The following GFI1B variants were observed in gnomAD, a reference collection of about 807,000 sequenced individuals.
GFI1B encodes growth factor independent 1B transcriptional repressor.
In GFI1B, 20 loss-of-function variants were observed where a neutral mutation model predicts 35.3. The ratio of observed to expected loss-of-function variants is 0.57; its 90% confidence interval spans 0.40 to 0.82. The LOEUF is 0.82. Among genes scored for constraint, GFI1B ranks in the 40% least tolerant of loss-of-function variants. The pLI, the probability that GFI1B is intolerant of heterozygous loss-of-function variation, is 0.00. For missense variants in GFI1B, 430 were observed against 446.3 expected (o/e 0.96, Z 0.33); for synonymous variants, 178 against 177.6 (o/e 1.00, Z -0.02).
At chr9:132,964,743 CTTTTTTTTTTTTTT>C (rs71376675) in intron 1 of GFI1B, among the ~76,000 whole-genome samples, 30 of 107,950 alleles carry the variant, frequency 2.8e-4, no homozygotes, top group East Asian at 5.7e-4. Flanking sequence ...ATTTTTCTTC[CTTTTTTTTTTTTTT>C]TTTTTTTTTT....
intron 1 of GFI1B, among the ~76,000 whole-genome samples, chr9:132,963,520 C>A (rs1010878147): frequency 5.9e-5 from 9 of 151,870 alleles, no homozygotes; most frequent in Admixed American, 5.9e-4. Context: ...TATTATTTTC[C>A]CTTGAGATGG....
chr9:132,989,030 C>T lies in GFI1B; in HGVS notation c.511-31C>T, dbSNP rs773537646. On this transcript the variant is annotated intron_variant, in intron 4 of 6. Transcript: ENST00000372122. This position sits in a 1 kb window ranked among gnomAD's most constrained non-coding sequence, Gnocchi z 6.2. Reference sequence around the variant, plus strand: ...GGCCTGTCCCTGTCACCGCAGCCCCCAGTGGCCTCACATGCTGCCCCTGCT... The same window carrying T: ...GGCCTGTCCCTGTCACCGCAGCCCCTAGTGGCCTCACATGCTGCCCCTGCT... 3.1e-6 allele frequency: 5 copies of T among 1,611,152 alleles called. No individual in the cohort carries two copies. In the Admixed American group the frequency reaches 8.3e-5, roughly 27 times the overall value.
chr9:132,988,459 G>C lies in GFI1B; in HGVS notation c.501G>C (p.Lys167Asn). ...GCATGGATGCGTACCACTGTGTGAA[G>C]TGCAACAAGGTGGGCAGCGGGGGGT... The part of the protein sequence containing the change: ...SPGMDAYHCV[K>N]CNKVFSTPHG... Residue 167 changes from lysine (K) to asparagine (N), a missense_variant, in exon 4 of 7, where the codon AAG (lysine) becomes AAC (asparagine). By Grantham distance (94) the Lys-to-Asn change is moderately conservative. Transcript: ENST00000372122. 1 of 1,613,572 alleles carries C rather than the reference G, an allele frequency of 6.2e-7. No individual in the cohort carries two copies. Among genetic ancestry groups the C allele is most frequent in the Non-Finnish European group, 8.5e-7 (1 of 1,179,978 alleles).
chr9:132,988,477 CG>C lies in GFI1B; in HGVS notation c.510+15del, dbSNP rs1212886079. ...GTGTGAAGTGCAACAAGGTGGGCAG[CG>C]GGGGGTGTGGTGGGCACCTGGGCCC... On this transcript the variant is annotated intron_variant, in intron 4 of 6. Transcript: ENST00000372122. 9 of 1,612,058 alleles carry C rather than the reference CG, an allele frequency of 5.6e-6. No homozygotes were observed. The highest frequency in any genetic ancestry group is 5.0e-5 in the Admixed American group (3 of 59,986).
rs144219864 is a variant in GFI1B at position 132,968,486 on chromosome 9, TA to T, written c.-700-4238del. Among the ~76,000 whole-genome samples, 1,486 of 152,276 alleles carry T rather than the reference TA, an allele frequency of 9.8e-3. 22 individuals carry two copies. Among genetic ancestry groups the T allele is most frequent in the African/African-American group, 0.034 (1,409 of 41,546 alleles). On this transcript the variant is annotated intron_variant, in intron 1 of 10. Coordinates refer to the GFI1B transcript ENST00000339463. Reference sequence around the variant, plus strand: ...ATAATTGTATACACTTAGATATGCATAGGGGACAGAAAGCATATCTGGCAGA... The same window carrying T: ...ATAATTGTATACACTTAGATATGCATGGGGACAGAAAGCATATCTGGCAGA...
upstream of GFI1B, among the ~76,000 whole-genome samples, chr9:132,977,796 C>G (rs1442474392): frequency 6.6e-6 from 1 of 152,296 alleles, no homozygotes; most frequent in Admixed American, 6.5e-5. Context: ...CCAGAGGCCC[C>G]CACTGGCCTC....
chr9:132,979,548 G>C (rs1848745615), intron 1 of GFI1B, among the ~76,000 whole-genome samples: 1 of 152,046 alleles, frequency 6.6e-6, no homozygotes, highest in Admixed American at 6.5e-5. Flanking sequence ...CAAATTCCCA[G>C]GACACTTTGA....
chr9:132,949,340 CAT>C (rs1554824090), intron 1 of GFI1B, among the ~76,000 whole-genome samples: 21 of 150,180 alleles, frequency 1.4e-4, no homozygotes, highest in East Asian at 2.0e-4. Flanking sequence ...CACACACACA[CAT>C]ACACACACAC....
At chr9:132,970,008 TC>T (rs1848509232) in intron 1 of GFI1B, among the ~76,000 whole-genome samples, 1 of 152,044 alleles carries the variant, frequency 6.6e-6, no homozygotes, top group African/African-American at 2.4e-5. Context: ...TGGTGTTGAT[TC>T]CCCCACCTCA....
intron 1 of GFI1B, among the ~76,000 whole-genome samples, chr9:132,965,367 A>G (rs1848434970): frequency 6.6e-6 from 1 of 152,242 alleles, no homozygotes. Flanking sequence ...TGTCAGACCC[A>G]TACAGAAACT....
chr9:132,985,013 C>T (rs1406560751), intron 1 of GFI1B, among the ~76,000 whole-genome samples: 11 of 152,188 alleles, frequency 7.2e-5, no homozygotes, highest in African/African-American at 2.7e-4. Flanking sequence ...TGATCCCTCT[C>T]CCGCCTTCTC....
At chr9:132,985,196 G>A (rs906199784) in intron 1 of GFI1B, among the ~76,000 whole-genome samples, 13 of 152,200 alleles carry the variant, frequency 8.5e-5, no homozygotes, top group African/African-American at 3.1e-4. Flanking sequence ...GAACCTCACA[G>A]GCTGAGTGCA....
chr9:132,987,228 C>T, intron 2 of GFI1B, 54 bp from the exon 3 acceptor site: 1 of 1,591,428 alleles, frequency 6.3e-7, no homozygotes, highest in Non-Finnish European at 8.6e-7. Flanking sequence ...CTTGCTCCCT[C>T]TGGGCTTCCC....
chr9:132,960,644 G>A (rs1468627579), intron 1 of GFI1B, among the ~76,000 whole-genome samples: 1 of 151,950 alleles, frequency 6.6e-6, no homozygotes, highest in Non-Finnish European at 1.5e-5. Flanking sequence ...ATATGGGCAT[G>A]TACCACTACA....
At chr9:132,981,996 G>A (rs1252557998) in intron 1 of GFI1B, among the ~76,000 whole-genome samples, 1 of 152,102 alleles carries the variant, frequency 6.6e-6, no homozygotes, top group African/African-American at 2.4e-5. Context: ...CAGGTGATCC[G>A]CCTGCCTTGG....
chr9:132,950,096 A>G (rs1262905286), intron 1 of GFI1B, among the ~76,000 whole-genome samples: 2 of 152,168 alleles, frequency 1.3e-5, no homozygotes, highest in Non-Finnish European at 2.9e-5. Context: ...TGAGTGACAG[A>G]GTAAGACCCT....
At chr9:132,977,307 G>T (rs772098637), upstream of GFI1B, among the ~76,000 whole-genome samples, 5 of 152,108 alleles carry the variant, frequency 3.3e-5, no homozygotes, top group African/African-American at 7.2e-5. Context: ...AGAGACCACA[G>T]AGCTGGGAGC....
At chr9:132,974,146 A>G (rs541040474), upstream of GFI1B, among the ~76,000 whole-genome samples, 71 of 152,240 alleles carry the variant, frequency 4.7e-4, 1 homozygote, top group African/African-American at 1.7e-3. Context: ...TCATTCATTC[A>G]TTTATTCACT....
intron 1 of GFI1B, among the ~76,000 whole-genome samples, chr9:132,965,767 C>G (rs1848442482): frequency 6.6e-6 from 1 of 152,200 alleles, no homozygotes; most frequent in Non-Finnish European, 1.5e-5. Context: ...GGAACCAATC[C>G]TGCCGACACC....
Sources: allele counts gnomAD v4.1 joint callset (sites outside exome capture counted in the v4.1 genomes callset), GRCh38; gene constraint gnomAD v4.1.1; non-coding constraint Gnocchi (gnomAD v3.1); transcripts MANE v1.5; gene names NCBI Gene and HGNC (gene_info 2026-07-23, HGNC 2026-07-21).